RFX2: variants seen among roughly 807,000 people sequenced by gnomAD.
The protein encoded by RFX2 is regulatory factor X2, also known as DNA-binding protein RFX2.
RFX2 carries 20 observed loss-of-function variants against 87.8 expected under a neutral mutation model. That is an observed-to-expected ratio of 0.23 (90% CI 0.16 to 0.33). The LOEUF is 0.33. RFX2 is among the 10% of genes least tolerant of loss of function. The pLI is 1.00. For synonymous variants in RFX2, 397 were observed against 431.3 expected (o/e 0.92, Z 0.98); for missense variants, 767 against 1,012.3 (o/e 0.76, Z 3.29).
At chr19:6,062,775 G>C (rs1256249833) in intron 1 of RFX2, among the ~76,000 whole-genome samples, 1 of 152,186 alleles carries the variant, frequency 6.6e-6, no homozygotes, top group Admixed American at 6.5e-5. Flanking sequence ...AGAAGTAAGT[G>C]CTCTTCATTC....
chr19:6,042,011 G>T (rs1339847669), intron 4 of RFX2, 33 bp downstream of exon 4: 1 of 1,590,474 alleles, frequency 6.3e-7, no homozygotes, highest in East Asian at 2.2e-5. Flanking sequence ...CAGGGAGAGG[G>T]TTCCGGGTGT....
chr19:6,108,550 A>G (rs531234326), intron 1 of RFX2, among the ~76,000 whole-genome samples: 118 of 152,340 alleles, frequency 7.7e-4, no homozygotes, highest in African/African-American at 2.8e-3. Flanking sequence ...GTTGAAACAG[A>G]GAATGAAGCT....
In RFX2 at chr19:5,997,032, C is replaced by T. The variant is rs549338895; in HGVS notation, c.2013+28G>A. The T allele has an allele frequency of 3.1e-5, 50 of 1,591,110 alleles. No individual in the cohort carries two copies. The highest frequency in any genetic ancestry group is 2.1e-4 in the South Asian group (19 of 89,226). On this transcript the variant is annotated intron_variant, in intron 16 of 17. Transcript: ENST00000303657. This position sits in a 1 kb window ranked among gnomAD's most constrained non-coding sequence, Gnocchi z 4.2. ...TCTCCCCACAGGCCCGGCCAAGCCC[C>T]GGCCGTCCCACCCAGGAGGGTCCTC...
rs2086422591 is a variant in RFX2 at position 5,997,049 on chromosome 19, A to G, written c.2013+11T>C. The G allele has an allele frequency of 7.5e-6, 12 of 1,605,420 alleles. No homozygotes were observed. Among genetic ancestry groups the G allele is most frequent in the Non-Finnish European group, 1.0e-5 (12 of 1,177,664 alleles). The stretch of plus-strand genomic sequence containing the variant: ...CCAAGCCCCGGCCGTCCCACCCAGG[A>G]GGGTCCTCACCTCTCCCATCACAGC... On this transcript the variant is annotated intron_variant, in intron 16 of 17. Transcript: ENST00000303657. This position sits in a 1 kb window ranked among gnomAD's most constrained non-coding sequence, Gnocchi z 4.2.
intron 1 of RFX2, among the ~76,000 whole-genome samples, chr19:6,092,198 G>T (rs1473707143): frequency 6.6e-6 from 1 of 152,240 alleles, no homozygotes; most frequent in African/African-American, 2.4e-5. Flanking sequence ...TAAAGAGAAA[G>T]AATTTGTACC....
intron 1 of RFX2, among the ~76,000 whole-genome samples, chr19:6,070,679 C>T (rs2087594418): frequency 1.3e-5 from 2 of 152,118 alleles, no homozygotes; most frequent in Non-Finnish European, 2.9e-5. Flanking sequence ...CAGGTTTATG[C>T]ACATGATTTG....
At position 6,007,348 on chromosome 19, in the gene RFX2, TC is replaced by T. The variant is rs2086597281; in HGVS notation, c.1248-183del. On this transcript the variant is annotated intron_variant, in intron 11 of 17. Transcript: ENST00000303657. This position sits in a 1 kb window ranked among gnomAD's most constrained non-coding sequence, Gnocchi z 8.2. ...ATGTTGCTCCCGGCGCCTCCGTGTT[TC>T]CCCCTGTCCCTCACTGTCCACGCTG... 6.6e-6 allele frequency among the ~76,000 whole-genome samples: 1 copy of T among 152,062 alleles called. No homozygotes were observed. The highest frequency in any genetic ancestry group is 2.1e-4 in the South Asian group (1 of 4,826).
chr19:6,087,008 T>C (rs1364243192), intron 1 of RFX2, among the ~76,000 whole-genome samples: 1 of 152,054 alleles, frequency 6.6e-6, no homozygotes, highest in African/African-American at 2.4e-5. Context: ...TTTTTTTTAA[T>C]CTTTTAAAAC....
intron 1 of RFX2, among the ~76,000 whole-genome samples, chr19:6,108,113 C>T (rs1037371930): frequency 6.6e-6 from 1 of 152,196 alleles, no homozygotes; most frequent in African/African-American, 2.4e-5. Flanking sequence ...CATTCCCAAC[C>T]CAAGTCCGTT....
At chr19:6,067,876 G>T (rs764793796) in intron 1 of RFX2, 4 of 152,236 alleles carry the variant, frequency 2.6e-5, no homozygotes, top group Non-Finnish European at 4.4e-5. Flanking sequence ...GCTCTCAGCG[G>T]AGGTTTGCCC....
At chr19:6,107,045 C>T (rs2088227507) in intron 1 of RFX2, among the ~76,000 whole-genome samples, 1 of 152,060 alleles carries the variant, frequency 6.6e-6, no homozygotes, top group Non-Finnish European at 1.5e-5. Context: ...CCTATAATCC[C>T]AGCACTTTGG....
rs1435131811 is a variant in RFX2, at chr19:6,024,675, A to T, written c.597+1488T>A. 6.6e-6 allele frequency among the ~76,000 whole-genome samples: 1 copy of T among 152,122 alleles called. No homozygotes were observed. The highest frequency in any genetic ancestry group is 2.4e-5 in the African/African-American group (1 of 41,422). On this transcript the variant is annotated intron_variant, in intron 6 of 17. Coordinates refer to ENST00000303657, the MANE Select transcript of RFX2 (RefSeq NM_000635.4). This position sits in a 1 kb window ranked among gnomAD's most constrained non-coding sequence, Gnocchi z 5.0. ...ACTCACTGCCTTTTGATAACGCCTC[A>T]TTTTACACATCGGCCAGCACAGAAG...
chr19:6,104,121 C>T (rs2088171928), intron 1 of RFX2, among the ~76,000 whole-genome samples: 1 of 152,108 alleles, frequency 6.6e-6, no homozygotes, highest in Non-Finnish European at 1.5e-5. Flanking sequence ...TGCTGTGCCC[C>T]AAAGCCCTGG....
In RFX2 at chr19:5,998,113, G is replaced by T. The variant is rs2086442491; in HGVS notation, c.1860-900C>A. Among the ~76,000 whole-genome samples the T allele has an allele frequency of 6.6e-6, 1 of 152,132 alleles. No homozygotes were observed. The highest frequency in any genetic ancestry group is 1.5e-5 in the Non-Finnish European group (1 of 68,028). ...ACTTGGGGTCAGGAGTTCTAGACCA[G>T]CCTGGCCAACATGGTGAAACGCCAT... On this transcript the variant is annotated intron_variant, in intron 15 of 17. Coordinates refer to ENST00000303657, the MANE Select transcript of RFX2 (RefSeq NM_000635.4). This position sits in a 1 kb window ranked among gnomAD's most constrained non-coding sequence, Gnocchi z 4.2.
intron 1 of RFX2, among the ~76,000 whole-genome samples, chr19:6,086,859 T>C (rs2087862399): frequency 6.6e-6 from 1 of 152,358 alleles, no homozygotes; most frequent in African/African-American, 2.4e-5. Flanking sequence ...TTCTGTTTAC[T>C]ACTAACGTAG....
At chr19:6,093,550 A>G (rs2087976181) in intron 1 of RFX2, among the ~76,000 whole-genome samples, 1 of 152,112 alleles carries the variant, frequency 6.6e-6, no homozygotes, top group South Asian at 2.1e-4. Context: ...AATAAAATAA[A>G]ATAGAATAAA....
intron 1 of RFX2, among the ~76,000 whole-genome samples, chr19:6,076,758 T>C (rs986916648): frequency 1.4e-4 from 22 of 152,250 alleles, no homozygotes; most frequent in Non-Finnish European, 2.9e-4. Flanking sequence ...TAAAAGCAGT[T>C]ATGCTGTTTG....
In RFX2 at chr19:6,010,962, C is replaced by G. The variant is rs2086652486; in HGVS notation, c.900-711G>C. 6.6e-6 allele frequency among the ~76,000 whole-genome samples: 1 copy of G among 151,800 alleles called. No homozygotes were observed. Among genetic ancestry groups the G allele is most frequent in the African/African-American group, 2.4e-5 (1 of 41,330 alleles). On this transcript the variant is annotated intron_variant, in intron 8 of 17. Transcript: ENST00000303657. The surrounding 1 kb of genome is among the most constrained non-coding windows in gnomAD (Gnocchi z 5.0). ...AGTAACCCCGTCTCTACTAAAAATA[C>G]AAAATTAGCTGGGCGTGGTGGCGCA...
intron 1 of RFX2, among the ~76,000 whole-genome samples, chr19:6,084,261 G>A (rs1292421515): frequency 6.6e-6 from 1 of 152,206 alleles, no homozygotes; most frequent in Non-Finnish European, 1.5e-5. Flanking sequence ...GGACAGCGTA[G>A]GGACTTACTA....
Sources: allele counts gnomAD v4.1 joint callset (sites outside exome capture counted in the v4.1 genomes callset), GRCh38; gene constraint gnomAD v4.1.1; non-coding constraint Gnocchi (gnomAD v3.1); transcripts MANE v1.5; gene names NCBI Gene and HGNC (gene_info 2026-07-23, HGNC 2026-07-21).